INPP4A: variants seen among roughly 807,000 people sequenced by gnomAD.
INPP4A encodes inositol polyphosphate-4-phosphatase, type I, 107kD.
Under a neutral mutation model 119.8 loss-of-function variants are expected in INPP4A, and 33 were observed. The observed-to-expected ratio is 0.28, with a 90% confidence interval of 0.21 to 0.37. The LOEUF is 0.37. Ranked by LOEUF, INPP4A falls within the 10% of genes least tolerant of loss-of-function variation. The pLI is 1.00. For synonymous variants in INPP4A, 496 were observed against 500.7 expected, an observed-to-expected ratio of 0.99 and a Z score of 0.12; for missense variants, 956 against 1,289.9, an observed-to-expected ratio of 0.74 and a Z score of 3.97.
In INPP4A at chr2:98,554,448, A is replaced by G. The variant is rs762051809; in HGVS notation, c.1525A>G (p.Ser509Gly). ...TLMARWTGRN[S>G]RSSLQVDWHE... ...CATGGCCCGGTGGACAGGGAGAAAC[A>G]GCCGATCTTCCCTGCAGGTGGACTG... is the stretch of plus-strand genomic sequence containing the variant. Residue 509 changes from serine to glycine, a missense_variant, in exon 15 of 25, where the codon AGC (serine) becomes GGC (glycine). By Grantham distance (56) the Ser-to-Gly change is moderately conservative. Coordinates refer to ENST00000409851, the MANE Select transcript of INPP4A (RefSeq NM_001134225.2). The surrounding 1 kb of genome is among the most constrained non-coding windows in gnomAD (Gnocchi z 4.7). 1.2e-6 allele frequency: 2 copies of G among 1,613,888 alleles called. No homozygotes were observed. Among genetic ancestry groups the G allele is most frequent in the Non-Finnish European group, 8.5e-7 (1 of 1,179,874 alleles).
intron 8 of INPP4A, 48 bp downstream of exon 8, chr2:98,538,022 T>A: frequency 7.8e-7 from 1 of 1,287,386 alleles, no homozygotes; most frequent in Non-Finnish European, 1.1e-6. Context: ...GCAAGGGAAT[T>A]AATCAGTAAA....
rs753463935 is a variant in INPP4A, at chr2:98,546,658, G to A, written c.1127G>A (p.Arg376His). Residue 376 changes from arginine to histidine, a missense_variant, in exon 13 of 25, where the codon CGC becomes CAC. Around this residue, in one of 2 missense-constraint regions of INPP4A, gnomAD observed 652 missense variants for 797.9 expected, o/e 0.82. Transcript: ENST00000409851. The surrounding 1 kb of genome is among the most constrained non-coding windows in gnomAD (Gnocchi z 4.2). ...CAAGGTTTTAAGTCAGGAGGTCTCCGCAAAAAGCTGCACAAATTTGAAGAG... is the reference window on the plus strand; with the variant it reads ...CAAGGTTTTAAGTCAGGAGGTCTCCACAAAAAGCTGCACAAATTTGAAGAG... ...HCQGFKSGGL[R>H]KKLHKFEETK... 3.7e-6 allele frequency: 6 copies of A among 1,613,264 alleles called. No homozygotes were observed. The highest frequency in any genetic ancestry group is 1.7e-5 in the Admixed American group (1 of 60,018).
Position 98,587,463 on chromosome 2 carries a change from GT to G in INPP4A, c.2787-7del. 3 of 1,558,356 alleles carry G rather than the reference GT, an allele frequency of 1.9e-6. No homozygotes were observed. The highest frequency in any genetic ancestry group is 4.7e-5 in the East Asian group (2 of 42,420). ...TTTACTGCCGTCATTTCTTGTGCTT[GT>G]TTTTTCCCCAGTGAGGGTTGTCGAA... On this transcript the variant is annotated splice_polypyrimidine_tract_variant and intron_variant, in intron 24 of 24. Coordinates refer to ENST00000409851, the MANE Select transcript of INPP4A (RefSeq NM_001134225.2).
chr2:98,457,999 T>G (rs1174859086), intron 1 of INPP4A, among the ~76,000 whole-genome samples: 1 of 139,690 alleles, frequency 7.2e-6, no homozygotes, highest in Non-Finnish European at 1.6e-5. Flanking sequence ...TTTTTTTTTT[T>G]GTTTAAATGA....
intron 23 of INPP4A, among the ~76,000 whole-genome samples, chr2:98,574,639 A>C (rs1417471489): frequency 8.3e-5 from 12 of 144,160 alleles, no homozygotes; most frequent in African/African-American, 3.1e-4. Flanking sequence ...CTCCATCTCA[A>C]AAAAAAAAAA....
intron 4 of INPP4A, among the ~76,000 whole-genome samples, chr2:98,526,970 T>C (rs1200506287): frequency 6.6e-6 from 1 of 152,088 alleles, no homozygotes; most frequent in Non-Finnish European, 1.5e-5. Flanking sequence ...ATGAGGGATT[T>C]GTCCCCCATT....
chr2:98,496,906 T>C (rs1245383673), intron 1 of INPP4A, among the ~76,000 whole-genome samples: 1 of 152,224 alleles, frequency 6.6e-6, no homozygotes, highest in Non-Finnish European at 1.5e-5. Context: ...CTTGAGCTGG[T>C]TGCTTTTCCC....
chr2:98,559,557 T>G, intron 17 of INPP4A, 62 bp downstream of exon 17: 2 of 1,527,152 alleles, frequency 1.3e-6, no homozygotes, highest in South Asian at 2.3e-5. Flanking sequence ...AGGTAGTGTT[T>G]TGTAGCTAAA....
At chr2:98,563,827 C>A (rs1434185466) in intron 18 of INPP4A, among the ~76,000 whole-genome samples, 190 bp downstream of exon 18, 2 of 152,128 alleles carry the variant, frequency 1.3e-5, no homozygotes, top group African/African-American at 4.8e-5. Context: ...ACTACCTTGG[C>A]AGCCCATGCT....
rs977384747 is a variant in INPP4A, at chr2:98,520,743, T to C, written c.151+12T>C. 1.4e-6 allele frequency: 2 copies of C among 1,406,044 alleles called. No individual in the cohort carries two copies. Among genetic ancestry groups the C allele is most frequent in the African/African-American group, 2.9e-5 (2 of 68,992 alleles). The allele number at this position is 1,406,044 out of a possible 1,614,324, so 87.1% of individuals were successfully genotyped here. A position where few individuals can be genotyped will look rare whatever the true frequency, so the allele number is the denominator to read the frequency against. Reference sequence around the variant, plus strand: ...AGAATTTAGCTTAGGTAGGTATCTTTCATTATTTTTTTGTTTTAAAAAATA... The same window carrying C: ...AGAATTTAGCTTAGGTAGGTATCTTCCATTATTTTTTTGTTTTAAAAAATA... On this transcript the variant is annotated intron_variant, in intron 4 of 24. Transcript: ENST00000409851.
intron 1 of INPP4A, among the ~76,000 whole-genome samples, chr2:98,471,925 T>G (rs1676107434): frequency 6.6e-6 from 1 of 152,170 alleles, no homozygotes; most frequent in Non-Finnish European, 1.5e-5. Context: ...TTGGATGACT[T>G]TGAAAAGCTC....
intron 1 of INPP4A, among the ~76,000 whole-genome samples, chr2:98,459,037 G>A (rs1420541425): frequency 2.6e-5 from 4 of 152,244 alleles, no homozygotes; most frequent in Non-Finnish European, 5.9e-5. Context: ...CCACCAGTGT[G>A]ATTGGAGCAT....
chr2:98,466,326 G>A (rs957571476), intron 1 of INPP4A, among the ~76,000 whole-genome samples: 3 of 152,240 alleles, frequency 2.0e-5, no homozygotes, highest in African/African-American at 4.8e-5. Flanking sequence ...GATTACAGGC[G>A]TGAGCCACCG....
chr2:98,512,481 A>G (rs1685301348), intron 1 of INPP4A, among the ~76,000 whole-genome samples: 1 of 152,222 alleles, frequency 6.6e-6, no homozygotes, highest in Non-Finnish European at 1.5e-5. Flanking sequence ...TATTTCTTAC[A>G]GTCTGGAGGC....
chr2:98,481,134 A>C (rs1050757809), intron 1 of INPP4A, among the ~76,000 whole-genome samples: 2 of 152,166 alleles, frequency 1.3e-5, no homozygotes, highest in African/African-American at 4.8e-5. Context: ...TCCTAACAAA[A>C]CATAATTTAA....
chr2:98,549,025 A>G lies in INPP4A; in HGVS notation c.1163+2331A>G, dbSNP rs112765893. ...GTTTGGGTCTCGTCCTCATGCAGAG[A>G]AAGCTTGTGCCATCCCCACACCTCC... On this transcript the variant is annotated intron_variant, in intron 13 of 24. Transcript: ENST00000409851. The G allele has an allele frequency of 8.8e-4, 1,379 of 1,570,770 alleles. 9 individuals carry two copies. In the African/African-American group the frequency reaches 0.016, roughly 19 times the overall value.
intron 24 of INPP4A, among the ~76,000 whole-genome samples, chr2:98,584,409 G>A (rs1699717086): frequency 6.6e-6 from 1 of 152,266 alleles, no homozygotes; most frequent in African/African-American, 2.4e-5. Context: ...CACAGAGGAA[G>A]GCCCTCTGAC....
chr2:98,548,089 G>A (rs569950822), intron 13 of INPP4A, among the ~76,000 whole-genome samples: 16 of 152,078 alleles, frequency 1.1e-4, no homozygotes, highest in Admixed American at 2.0e-4. Context: ...GGGTCAGGGA[G>A]GCAGCTAGGG....
chr2:98,564,772 C>G lies in INPP4A; in HGVS notation c.2152+9C>G. 6.3e-7 allele frequency: 1 copy of G among 1,574,976 alleles called. No homozygotes were observed. The highest frequency in any genetic ancestry group is 2.3e-5 in the East Asian group (1 of 42,784). ...CCTGCTGAGCACCTACGGTGAGGCG[C>G]CCGGGCCAGGATCGGGAGCCCCACT... On this transcript the variant is annotated intron_variant, in intron 19 of 24. Coordinates refer to ENST00000409851, the MANE Select transcript of INPP4A (RefSeq NM_001134225.2).
Sources: allele counts gnomAD v4.1 joint callset (sites outside exome capture counted in the v4.1 genomes callset), GRCh38; gene constraint gnomAD v4.1.1; regional missense constraint gnomAD v4.1.1; non-coding constraint Gnocchi (gnomAD v3.1); transcripts MANE v1.5; gene names NCBI Gene and HGNC (gene_info 2026-07-23, HGNC 2026-07-21).